ROBO1: variants seen among roughly 807,000 people sequenced by gnomAD.
ROBO1 encodes roundabout homolog 1.
Under a neutral mutation model 195.9 loss-of-function variants are expected in ROBO1, and 149 were observed. The ratio of observed to expected loss-of-function variants is 0.76; its 90% CI spans 0.67 to 0.87. The LOEUF is 0.87. ROBO1 is among the 40% of genes least tolerant of loss of function. ROBO1 has a pLI of 0.00. For missense variants in ROBO1, 1,933 were observed against 2,068.3 expected, an observed-to-expected ratio of 0.93 and a Z score of 1.27; for synonymous variants, 816 against 733.2, an observed-to-expected ratio of 1.11 and a Z score of -1.82.
chr3:79,658,207 G>A (rs4856447), intron 1 of ROBO1, among the ~76,000 whole-genome samples: 4 of 151,930 alleles, frequency 2.6e-5, no homozygotes, highest in East Asian at 1.9e-4. Flanking sequence ...CAATTCTAGC[G>A]GACTTGATGG....
chr3:79,509,969 CAT>C (rs1158575032), intron 2 of ROBO1, among the ~76,000 whole-genome samples: 6 of 151,882 alleles, frequency 4.0e-5, no homozygotes, highest in Admixed American at 3.9e-4. Flanking sequence ...TTTATCATCA[CAT>C]GCAACTTCTG....
intron 2 of ROBO1, among the ~76,000 whole-genome samples, chr3:79,223,807 T>C (rs985389018): frequency 5.9e-5 from 9 of 152,176 alleles, no homozygotes; most frequent in Non-Finnish European, 1.2e-4. Context: ...TACTCTCCCT[T>C]AGTTTAATGT....
intron 5 of ROBO1, among the ~76,000 whole-genome samples, chr3:78,726,569 T>C (rs767811482): frequency 2.6e-5 from 4 of 152,216 alleles, no homozygotes; most frequent in Non-Finnish European, 5.9e-5. Context: ...TAGTCTAGCG[T>C]ATCATCCTTA....
intron 1 of ROBO1, among the ~76,000 whole-genome samples, chr3:79,739,578 C>A (rs1269623232): frequency 2.0e-5 from 3 of 152,024 alleles, no homozygotes; most frequent in East Asian, 1.9e-4. Flanking sequence ...TTTCAATTAG[C>A]AAATGGAGGC....
At chr3:78,601,549 T>G (rs1327338643) in intron 29 of ROBO1, among the ~76,000 whole-genome samples, 1 of 152,178 alleles carries the variant, frequency 6.6e-6, no homozygotes. Flanking sequence ...ATCAACAGCT[T>G]TCTCTCTACT....
intron 4 of ROBO1, among the ~76,000 whole-genome samples, chr3:78,874,865 A>G (rs894836947): frequency 7.9e-5 from 12 of 151,952 alleles, no homozygotes; most frequent in Non-Finnish European, 1.6e-4. Context: ...AGTTACCTCA[A>G]AACAAATACC....
intron 4 of ROBO1, among the ~76,000 whole-genome samples, chr3:78,833,351 G>T (rs162819): frequency 0.97 from 147,603 of 152,286 alleles, 71,576 homozygotes; most frequent in East Asian, 1. Flanking sequence ...TTAGCTTAGT[G>T]GGCCAGATAC....
chr3:79,677,707 C>T (rs528897860), intron 1 of ROBO1, among the ~76,000 whole-genome samples: 4 of 152,066 alleles, frequency 2.6e-5, no homozygotes, highest in African/African-American at 9.7e-5. Flanking sequence ...CAAAGGTGAC[C>T]TGCAGGCAAC....
intron 3 of ROBO1, among the ~76,000 whole-genome samples, chr3:78,973,843 T>C (rs955679522): frequency 2.0e-5 from 3 of 151,998 alleles, no homozygotes; most frequent in Admixed American, 6.6e-5. Flanking sequence ...TTCTAAACAA[T>C]AATGTCTGAG....
intron 2 of ROBO1, among the ~76,000 whole-genome samples, chr3:79,505,283 AAAAG>A (rs1300228783): frequency 1.3e-5 from 2 of 152,126 alleles, no homozygotes; most frequent in East Asian, 3.9e-4. Flanking sequence ...CGAAGAAAAA[AAAAG>A]AGACAAAGAA....
At chr3:79,626,096 A>C (rs1006994958) in intron 1 of ROBO1, among the ~76,000 whole-genome samples, 11 of 152,212 alleles carry the variant, frequency 7.2e-5, no homozygotes, top group African/African-American at 2.7e-4. Context: ...CAGAAACCAC[A>C]TGATTATCTC....
At chr3:78,944,920 A>C (rs1331290598) in intron 3 of ROBO1, among the ~76,000 whole-genome samples, 1 of 152,194 alleles carries the variant, frequency 6.6e-6, no homozygotes, top group Non-Finnish European at 1.5e-5. Flanking sequence ...CATTGCTAGC[A>C]CAGCAGTCCC....
At chr3:79,671,860 T>TC (rs1384749854) in intron 1 of ROBO1, among the ~76,000 whole-genome samples, 1 of 151,908 alleles carries the variant, frequency 6.6e-6, no homozygotes, top group East Asian at 1.9e-4. Flanking sequence ...ATGCCTTTAT[T>TC]ACTCATAATG....
At chr3:78,640,110 C>T (rs1038293271) in intron 21 of ROBO1, among the ~76,000 whole-genome samples, 5 of 151,996 alleles carry the variant, frequency 3.3e-5, no homozygotes, top group African/African-American at 4.8e-5. Flanking sequence ...TAACTGTACA[C>T]GGGAAGAGTT....
intron 4 of ROBO1, among the ~76,000 whole-genome samples, chr3:78,937,184 C>A (rs912866622): frequency 2.0e-5 from 3 of 151,938 alleles, no homozygotes; most frequent in African/African-American, 7.2e-5. Flanking sequence ...CATTTACATT[C>A]TCTAGGGCTG....
intron 2 of ROBO1, among the ~76,000 whole-genome samples, chr3:79,520,209 A>G (rs535535285): frequency 6.6e-6 from 1 of 152,076 alleles, no homozygotes; most frequent in South Asian, 2.1e-4. Flanking sequence ...CCCAGGATGC[A>G]TGCACATATG....
intron 4 of ROBO1, among the ~76,000 whole-genome samples, chr3:78,758,551 C>T (rs925137983): frequency 7.3e-6 from 1 of 137,264 alleles, no homozygotes; most frequent in Non-Finnish European, 1.5e-5. Flanking sequence ...AAAAAAAAAT[C>T]CTCCTCAGGA....
At chr3:78,981,152 G>C (rs958714986) in intron 3 of ROBO1, among the ~76,000 whole-genome samples, 6 of 152,114 alleles carry the variant, frequency 3.9e-5, no homozygotes, top group Non-Finnish European at 7.4e-5. Context: ...ATTGGGCATT[G>C]AGTATGCATA....
Position 79,247,129 on chromosome 3 carries a change from G to GTTTTTTTTT in ROBO1, c.89-121599_89-121591dup, listed in dbSNP as rs575917340. The stretch of plus-strand genomic sequence containing the variant: ...AAAAGCATTAAGGCTCCTGTTTACT[G>GTTTTTTTTT]TTTTTTTTTTTTTGTAAGAAGTATA... On this transcript the variant is annotated intron_variant, in intron 2 of 30. Coordinates refer to ENST00000464233, the MANE Select transcript of ROBO1 (RefSeq NM_002941.4). Among the ~76,000 whole-genome samples the GTTTTTTTTT allele has an allele frequency of 7.8e-3, 1,047 of 134,760 alleles. 24 individuals are homozygous for GTTTTTTTTT. Among genetic ancestry groups the GTTTTTTTTT allele is most frequent in the African/African-American group, 0.028 (994 of 36,114 alleles). The allele number at this position is 134,760 out of a possible 152,430, so 88.4% of individuals were successfully genotyped here. A position where few individuals can be genotyped will look rare whatever the true frequency, so the allele number is the denominator to read the frequency against.
Sources: gnomAD v4.1 joint callset for allele counts (sites outside exome capture counted in the v4.1 genomes callset) on GRCh38, gnomAD v4.1.1 for gene constraint, MANE v1.5 for transcripts, NCBI Gene and HGNC (gene_info 2026-07-23, HGNC 2026-07-21) for gene names.